RTTN: variants seen among roughly 807,000 people sequenced by gnomAD.
The protein encoded by RTTN is rotatin.
A neutral mutation model predicts 269.2 loss-of-function variants in RTTN; 182 were observed. The observed-to-expected ratio is 0.68, with a 90% CI of 0.60 to 0.76. The LOEUF is 0.76. RTTN is among the 30% of genes least tolerant of loss of function. RTTN has a pLI of 0.00. For missense variants in RTTN, 2,545 were observed against 2,608.6 expected, an observed-to-expected ratio of 0.98 and a Z score of 0.53; for synonymous variants, 1,006 against 963.5, an observed-to-expected ratio of 1.04 and a Z score of -0.82.
chr18:70,194,934 T>A (rs1425315265), intron 7 of RTTN, among the ~76,000 whole-genome samples: 1 of 152,172 alleles, frequency 6.6e-6, no homozygotes, highest in Non-Finnish European at 1.5e-5. Context: ...AAAATGTTTA[T>A]AATGGCATAT....
intron 25 of RTTN, 68 bp from the exon 26 acceptor site, chr18:70,121,768 G>T: frequency 1.5e-6 from 2 of 1,375,092 alleles, no homozygotes; most frequent in African/African-American, 1.5e-5. Context: ...GTTCATCATA[G>T]ATATGTGGAC....
chr18:70,174,281 A>G (rs1034256110), intron 11 of RTTN, among the ~76,000 whole-genome samples: 1 of 152,200 alleles, frequency 6.6e-6, no homozygotes, highest in Admixed American at 6.5e-5. Context: ...AAACACACAG[A>G]AGAGACACCA....
chr18:70,161,989 C>T (rs2060843503), intron 14 of RTTN, among the ~76,000 whole-genome samples: 1 of 152,088 alleles, frequency 6.6e-6, no homozygotes, highest in African/African-American at 2.4e-5. Flanking sequence ...TACCATTTGA[C>T]CTAGCAATCC....
chr18:70,107,175 T>A (rs916619406), intron 28 of RTTN, among the ~76,000 whole-genome samples: 2 of 152,212 alleles, frequency 1.3e-5, no homozygotes, highest in Non-Finnish European at 2.9e-5. Flanking sequence ...AGCAGTTTTA[T>A]AAGCTGTAGC....
At chr18:70,059,808 T>A (rs778072884) in intron 36 of RTTN, 42 bp downstream of exon 36, 6 of 1,323,998 alleles carry the variant, frequency 4.5e-6, no homozygotes, top group Non-Finnish European at 6.2e-6. Context: ...TGTGTAAATT[T>A]ATCTCAACTA....
At chr18:70,050,539 G>A (rs1202652744) in intron 39 of RTTN, among the ~76,000 whole-genome samples, 1 of 152,174 alleles carries the variant, frequency 6.6e-6, no homozygotes, top group Non-Finnish European at 1.5e-5. Flanking sequence ...TCTAGAACCA[G>A]AAATACCATT....
intron 27 of RTTN, among the ~76,000 whole-genome samples, chr18:70,113,922 C>T (rs1316228600): frequency 6.6e-6 from 1 of 152,128 alleles, no homozygotes. Flanking sequence ...TTCATGGATA[C>T]AAGGCTTCTC....
At chr18:70,134,244 C>T (rs2060067347) in intron 23 of RTTN, among the ~76,000 whole-genome samples, 1 of 151,882 alleles carries the variant, frequency 6.6e-6, no homozygotes, top group Admixed American at 6.6e-5. Flanking sequence ...CAAGTATGCA[C>T]CGTATAGCTT....
At chr18:70,172,875 T>TATTAAGA (rs2061179385) in intron 11 of RTTN, among the ~76,000 whole-genome samples, 3 of 152,302 alleles carry the variant, frequency 2.0e-5, no homozygotes, top group Admixed American at 2.0e-4. Context: ...AGATTGACCA[T>TATTAAGA]TTGCAATACT....
chr18:70,012,182 G>T (rs112349153), intron 46 of RTTN, among the ~76,000 whole-genome samples: 5 of 115,754 alleles, frequency 4.3e-5, no homozygotes, highest in South Asian at 3.0e-4. Context: ...TAGAGGGCAG[G>T]GTCTGCTCAC....
intron 27 of RTTN, among the ~76,000 whole-genome samples, chr18:70,110,898 C>T (rs936972306): frequency 2.0e-5 from 3 of 152,192 alleles, no homozygotes; most frequent in African/African-American, 7.2e-5. Context: ...CCGCCATTGC[C>T]GAGGCTTGAG....
intron 30 of RTTN, among the ~76,000 whole-genome samples, chr18:70,088,766 C>A (rs753795132): frequency 3.9e-5 from 6 of 152,008 alleles, no homozygotes; most frequent in Non-Finnish European, 8.8e-5. Flanking sequence ...TTTAAAAATG[C>A]AGTCATAAAA....
intron 43 of RTTN, 104 bp downstream of exon 43, chr18:70,028,620 A>G (rs1403288615): frequency 3.2e-6 from 2 of 629,626 alleles, no homozygotes; most frequent in Non-Finnish European, 5.3e-6. Flanking sequence ...CTAAAAATTT[A>G]AAAGTCAGAG....
At chr18:70,016,806 T>C (rs2056552689) in intron 46 of RTTN, among the ~76,000 whole-genome samples, 1 of 151,962 alleles carries the variant, frequency 6.6e-6, no homozygotes, top group East Asian at 1.9e-4. Flanking sequence ...TGCTCGCTAG[T>C]TGCAGGCACA....
chr18:70,147,733 C>G (rs2060431314), intron 17 of RTTN, among the ~76,000 whole-genome samples: 1 of 152,104 alleles, frequency 6.6e-6, no homozygotes, highest in African/African-American at 2.4e-5. Context: ...AAAGAAAGAT[C>G]TGGCCTTTCC....
At chr18:70,119,612 C>A (rs573019455) in intron 26 of RTTN, among the ~76,000 whole-genome samples, 3 of 152,238 alleles carry the variant, frequency 2.0e-5, no homozygotes, top group Non-Finnish European at 2.9e-5. Flanking sequence ...GAAAAAATCT[C>A]CATCTAATTC....
chr18:70,126,477 A>G (rs1353740190), intron 25 of RTTN, among the ~76,000 whole-genome samples: 2 of 152,120 alleles, frequency 1.3e-5, no homozygotes, highest in Non-Finnish European at 2.9e-5. Flanking sequence ...ATGTGGAGCT[A>G]CCATGTAACA....
At chr18:70,112,386 T>A (rs2059491362) in intron 27 of RTTN, among the ~76,000 whole-genome samples, 2 of 149,204 alleles carry the variant, frequency 1.3e-5, no homozygotes, top group Non-Finnish European at 3.0e-5. Flanking sequence ...TCAAGACCTA[T>A]CAGTGTGCTA....
At chr18:70,048,274 T>C (rs891117364) in intron 39 of RTTN, 86 bp from the exon 40 acceptor site, 1 of 1,225,276 alleles carries the variant, frequency 8.2e-7, no homozygotes, top group African/African-American at 1.5e-5. Context: ...AAAGTAACTA[T>C]ACTCTGGATC....
Sources: allele counts gnomAD v4.1 joint callset (sites outside exome capture counted in the v4.1 genomes callset), GRCh38; gene constraint gnomAD v4.1.1; transcripts MANE v1.5; gene names NCBI Gene and HGNC (gene_info 2026-07-23, HGNC 2026-07-21).